MCPH1: variants seen among roughly 807,000 people sequenced by gnomAD.
MCPH1 encodes the protein microcephalin.
Under a neutral mutation model 84.5 loss-of-function variants are expected in MCPH1, and 104 were observed. That is an observed-to-expected ratio of 1.23 (90% CI 1.05 to 1.45). The LOEUF is 1.45. Among genes scored for constraint, MCPH1 ranks in the 40% most tolerant of loss-of-function variants. MCPH1 has a pLI of 0.00. For missense variants in MCPH1, 1,498 were observed against 1,005.7 expected, an observed-to-expected ratio of 1.49 and a Z score of -6.62; for synonymous variants, 514 against 366.8, an observed-to-expected ratio of 1.40 and a Z score of -4.58.
At chr8:6,625,445 T>A in intron 13 of MCPH1, 1 of 985,454 alleles carries the variant, frequency 1.0e-6, no homozygotes. Flanking sequence ...CTCTGGACAA[T>A]GTTTCATTCT....
At chr8:6,510,808 T>C (rs1368785105) in intron 12 of MCPH1, among the ~76,000 whole-genome samples, 3 of 152,230 alleles carry the variant, frequency 2.0e-5, no homozygotes, top group Non-Finnish European at 4.4e-5. Flanking sequence ...GTGTTGCTCC[T>C]AAGTGACTTC....
At chr8:6,497,473 G>A (rs1811370894) in intron 11 of MCPH1, among the ~76,000 whole-genome samples, 1 of 152,168 alleles carries the variant, frequency 6.6e-6, no homozygotes, top group Admixed American at 6.5e-5. Context: ...CTGTACTCCA[G>A]CCTGGGCGAC....
intron 3 of MCPH1, among the ~76,000 whole-genome samples, chr8:6,416,687 T>C (rs1799346662): frequency 6.6e-6 from 1 of 152,150 alleles, no homozygotes; most frequent in African/African-American, 2.4e-5. Context: ...TACGTTGTCA[T>C]CTTGCCTTTT....
At chr8:6,568,092 T>C (rs1278812665) in intron 12 of MCPH1, among the ~76,000 whole-genome samples, 1 of 152,154 alleles carries the variant, frequency 6.6e-6, no homozygotes, top group Non-Finnish European at 1.5e-5. Flanking sequence ...AGAAAAACCA[T>C]AGCTACCTAC....
chr8:6,533,400 C>G (rs953711431), intron 12 of MCPH1, among the ~76,000 whole-genome samples: 3 of 152,172 alleles, frequency 2.0e-5, no homozygotes, highest in Non-Finnish European at 4.4e-5. Flanking sequence ...AGCCTGCCCT[C>G]TGCTTTATAG....
At chr8:6,517,520 G>A (rs1414157144) in intron 12 of MCPH1, among the ~76,000 whole-genome samples, 1 of 152,196 alleles carries the variant, frequency 6.6e-6, no homozygotes, top group Non-Finnish European at 1.5e-5. Flanking sequence ...TTCAGGAAAA[G>A]ATGTGCTCAA....
intron 12 of MCPH1, among the ~76,000 whole-genome samples, chr8:6,520,836 C>T (rs1346486932): frequency 6.6e-6 from 1 of 152,160 alleles, no homozygotes; most frequent in Non-Finnish European, 1.5e-5. Flanking sequence ...ATGGCCATCC[C>T]ATGGGTCTGA....
chr8:6,445,657 T>C, intron 8 of MCPH1, 110 bp downstream of exon 8: 1 of 1,463,234 alleles, frequency 6.8e-7, no homozygotes, highest in Non-Finnish European at 9.0e-7. Flanking sequence ...CATTTACTCC[T>C]CTTTTTACTT....
intron 11 of MCPH1, among the ~76,000 whole-genome samples, chr8:6,489,739 C>T (rs1430278451): frequency 6.6e-6 from 1 of 152,200 alleles, no homozygotes; most frequent in Admixed American, 6.5e-5. Flanking sequence ...GTGTTGCCAA[C>T]TGCAACACAG....
intron 12 of MCPH1, among the ~76,000 whole-genome samples, chr8:6,525,412 T>C (rs1818155711): frequency 6.6e-6 from 1 of 150,462 alleles, no homozygotes; most frequent in Non-Finnish European, 1.5e-5. Context: ...GTATTTTTTG[T>C]AAAAATGAGT....
intron 13 of MCPH1, among the ~76,000 whole-genome samples, chr8:6,629,113 G>A (rs924995919): frequency 6.6e-6 from 1 of 152,190 alleles, no homozygotes; most frequent in Admixed American, 6.5e-5. Flanking sequence ...ACATAAATAA[G>A]GTAACATGAG....
chr8:6,434,307 A>G (rs1330286027), intron 4 of MCPH1, among the ~76,000 whole-genome samples: 3 of 152,174 alleles, frequency 2.0e-5, no homozygotes, highest in Non-Finnish European at 4.4e-5. Flanking sequence ...CCCTGAGTCT[A>G]TATGAACCAG....
chr8:6,492,271 T>A (rs1160714405), intron 11 of MCPH1, among the ~76,000 whole-genome samples: 2 of 152,254 alleles, frequency 1.3e-5, no homozygotes, highest in African/African-American at 2.4e-5. Context: ...TGCATAAATG[T>A]CTTCTTTTGA....
chr8:6,612,713 T>C (rs1218622037), intron 12 of MCPH1, among the ~76,000 whole-genome samples: 1 of 152,196 alleles, frequency 6.6e-6, no homozygotes, highest in African/African-American at 2.4e-5. Flanking sequence ...CATCGCCGCT[T>C]CACCTGCTTT....
At chr8:6,529,040 T>G (rs538705458) in intron 12 of MCPH1, among the ~76,000 whole-genome samples, 1 of 152,222 alleles carries the variant, frequency 6.6e-6, no homozygotes, top group Non-Finnish European at 1.5e-5. Flanking sequence ...TGTGTCCTGT[T>G]TAATTCATAA....
intron 6 of MCPH1, among the ~76,000 whole-genome samples, chr8:6,441,527 G>A (rs1293170497): frequency 2.0e-5 from 3 of 152,014 alleles, no homozygotes; most frequent in Admixed American, 6.6e-5. Context: ...TAATACTTAC[G>A]ATCTTATTTG....
intron 12 of MCPH1, chr8:6,615,630 T>G (rs1366715725): frequency 1.3e-5 from 2 of 152,204 alleles, no homozygotes; most frequent in Non-Finnish European, 2.9e-5. Flanking sequence ...CATTTTATCT[T>G]TTAAATGTGT....
intron 10 of MCPH1, among the ~76,000 whole-genome samples, chr8:6,478,286 G>A (rs1808739231): frequency 6.6e-6 from 1 of 152,010 alleles, no homozygotes; most frequent in South Asian, 2.1e-4. Context: ...TTCCTGCCTG[G>A]GGCTTAGAAA....
intron 12 of MCPH1, among the ~76,000 whole-genome samples, chr8:6,614,769 G>A (rs986044884): frequency 6.6e-6 from 1 of 152,028 alleles, no homozygotes; most frequent in Non-Finnish European, 1.5e-5. Flanking sequence ...TGGCCCCCGT[G>A]GTATCTTAGT....
Sources: allele counts gnomAD v4.1 joint callset (sites outside exome capture counted in the v4.1 genomes callset), GRCh38; gene constraint gnomAD v4.1.1; transcripts MANE v1.5; gene names NCBI Gene and HGNC (gene_info 2026-07-23, HGNC 2026-07-21).